NIT2: variants seen among roughly 807,000 people sequenced by gnomAD.
The protein encoded by NIT2 is omega-amidase NIT2.
A neutral mutation model predicts 42.7 loss-of-function variants in NIT2; 46 were observed. The observed-to-expected ratio is 1.08, with a 90% CI of 0.85 to 1.38. The LOEUF (loss-of-function observed/expected upper bound fraction) is 1.38. Ranked by LOEUF, NIT2 falls within the 40% of genes most tolerant of loss-of-function variation. The pLI is 0.00. For synonymous variants in NIT2, 123 were observed against 121.9 expected (o/e 1.01, Z -0.06); for missense variants, 309 against 342.5 (o/e 0.90, Z 0.77).
At chr3:100,351,374 A>G (rs1329969375) in intron 7 of NIT2, among the ~76,000 whole-genome samples, 1 of 152,222 alleles carries the variant, frequency 6.6e-6, no homozygotes, top group Non-Finnish European at 1.5e-5. Context: ...AGGCTACAGT[A>G]ATCAAAACAG....
chr3:100,341,042 T>G, intron 3 of NIT2, 31 bp from the exon 4 acceptor site: 1 of 1,464,430 alleles, frequency 6.8e-7, no homozygotes, highest in Non-Finnish European at 9.6e-7. Context: ...CTATTCTTTT[T>G]CTTATGGTAT....
rs1406375575 is a variant in NIT2, at chr3:100,355,946, T to A, written c.*678T>A. On this transcript the variant is annotated 3_prime_UTR_variant, in exon 10 of 10. Coordinates refer to ENST00000394140, the MANE Select transcript of NIT2 (RefSeq NM_020202.5). ...AAAAGATTTTTTTGATAGCGTTGAG[T>A]GTCTGAAAGTCCCATTATTTTTCTT... is the stretch of plus-strand genomic sequence containing the variant. 2 of 152,262 alleles carry A rather than the reference T, an allele frequency of 1.3e-5. No homozygotes were observed. The highest frequency in any genetic ancestry group is 2.9e-5 in the Non-Finnish European group (2 of 68,064). 9.4% of individuals were successfully genotyped at this position (152,262 alleles called of 1,614,324 possible).
chr3:100,351,190 A>G (rs1351624700), intron 7 of NIT2, among the ~76,000 whole-genome samples: 1 of 152,236 alleles, frequency 6.6e-6, no homozygotes, highest in Non-Finnish European at 1.5e-5. Context: ...TCTTTATAGC[A>G]GCATGATTTA....
intron 7 of NIT2, 76 bp from the exon 8 acceptor site, chr3:100,352,328 G>A (rs1209672001): frequency 9.2e-7 from 1 of 1,088,336 alleles, no homozygotes; most frequent in Non-Finnish European, 1.4e-6. Context: ...TTTAAAAGAA[G>A]GATCTATCTA....
chr3:100,353,034 A>G (rs892317635), intron 8 of NIT2, among the ~76,000 whole-genome samples: 1 of 152,244 alleles, frequency 6.6e-6, no homozygotes, highest in African/African-American at 2.4e-5. Context: ...AATTACAGTC[A>G]TACGCTCATA....
In NIT2 at chr3:100,354,132, C is replaced by G. The variant is rs557759949; in HGVS notation, c.684-640C>G. Reference sequence around the variant, plus strand: ...GGATTGATGAAGGAGTGTGGCTGTTCCCTAGTGCAGGGCTCCTGCCAGTGT... The same window carrying G: ...GGATTGATGAAGGAGTGTGGCTGTTGCCTAGTGCAGGGCTCCTGCCAGTGT... On this transcript the variant is annotated intron_variant, in intron 8 of 9. Coordinates refer to ENST00000394140, the MANE Select transcript of NIT2 (RefSeq NM_020202.5). Among the ~76,000 whole-genome samples, 8 of 152,300 alleles carry G rather than the reference C, an allele frequency of 5.3e-5. No homozygotes were observed. The South Asian group carries it at 1.5e-3, about 28-fold the overall frequency.
At chr3:100,342,407 A>G (rs60028471) in intron 4 of NIT2, among the ~76,000 whole-genome samples, 29,295 of 151,622 alleles carry the variant, frequency 0.19, 3,018 homozygotes, top group Non-Finnish European at 0.23. Context: ...GGATAGAGAC[A>G]TTTTACTTTT....
intron 8 of NIT2, among the ~76,000 whole-genome samples, chr3:100,353,610 G>T (rs1299581733): frequency 1.3e-5 from 2 of 152,170 alleles, no homozygotes; most frequent in East Asian, 3.8e-4. Context: ...ATAAATGGTG[G>T]TGCTTGTATT....
Position 100,351,911 on chromosome 3 carries a change from A to C in NIT2, c.585-493A>C, listed in dbSNP as rs576836224. ...TACAATGAACTCCAACAAATTTACA[A>C]GAAAAAAACAAACAACCCCATCAAA... is the stretch of plus-strand genomic sequence containing the variant. On this transcript the variant is annotated intron_variant, in intron 7 of 9. Transcript: ENST00000394140. Among the ~76,000 whole-genome samples the C allele has an allele frequency of 3.9e-5, 6 of 152,256 alleles. No homozygotes were observed. The South Asian group carries it at 1.2e-3, about 32-fold the overall frequency.
intron 4 of NIT2, among the ~76,000 whole-genome samples, chr3:100,341,446 G>A (rs1263970740): frequency 2.0e-5 from 3 of 152,132 alleles, no homozygotes; most frequent in African/African-American, 7.2e-5. Flanking sequence ...TTGGCTCACT[G>A]CTAGCTCTGC....
chr3:100,353,687 A>T (rs1262595988), intron 8 of NIT2, among the ~76,000 whole-genome samples: 1 of 152,042 alleles, frequency 6.6e-6, no homozygotes, highest in Non-Finnish European at 1.5e-5. Flanking sequence ...GTTATGTCAG[A>T]TTATTTTGGA....
In NIT2 at chr3:100,361,231, C is replaced by G. The variant is rs1418842676; in HGVS notation, c.*5963C>G. ...TCATAATTTAGGCCATGGATCATCT[C>G]TGCAGAGAATCCTACCATGCTGCAT... On this transcript the variant is annotated 3_prime_UTR_variant, in exon 10 of 10. Coordinates refer to ENST00000394140, the MANE Select transcript of NIT2 (RefSeq NM_020202.5). 2.0e-5 allele frequency: 3 copies of G among 152,230 alleles called. No individual in the cohort carries two copies. Among genetic ancestry groups the G allele is most frequent in the African/African-American group, 7.2e-5 (3 of 41,458 alleles). The allele number at this position is 152,230 out of a possible 1,614,324, so 9.4% of individuals were successfully genotyped here. A position where few individuals can be genotyped will look rare whatever the true frequency, so the allele number is the denominator to read the frequency against.
intron 7 of NIT2, among the ~76,000 whole-genome samples, chr3:100,350,569 G>T (rs571304194): frequency 3.3e-5 from 5 of 152,306 alleles, no homozygotes; most frequent in African/African-American, 1.2e-4. Flanking sequence ...GTAATTCTTT[G>T]TGTGGGGGCT....
Position 100,346,201 on chromosome 3 carries a change from G to A in NIT2, c.451G>A (p.Gly151Ser). ...AACAGCTTACTGCAGAGTGGGTCTG[G>A]GCATCTGCTACGACATGCGGTTTGC... Reference protein sequence around the residue: ...FDTPYCRVGLGICYDMRFAEL... With the variant: ...FDTPYCRVGLSICYDMRFAEL... Residue 151 changes from glycine (G) to serine (S), a missense_variant, in exon 6 of 10, where the codon GGC becomes AGC. Transcript: ENST00000394140. 1 of 1,614,028 alleles carries A rather than the reference G, an allele frequency of 6.2e-7. No homozygotes were observed. The highest frequency in any genetic ancestry group is 1.3e-5 in the African/African-American group (1 of 75,032).
At chr3:100,350,492 G>C (rs1195736866) in intron 7 of NIT2, among the ~76,000 whole-genome samples, 1 of 152,200 alleles carries the variant, frequency 6.6e-6, no homozygotes, top group Non-Finnish European at 1.5e-5. Context: ...TTTAACCAGA[G>C]AAGCTCTTCT....
At chr3:100,334,969 C>G in intron 1 of NIT2, 171 bp downstream of exon 1, 1 of 619,820 alleles carries the variant, frequency 1.6e-6, no homozygotes, top group African/African-American at 2.0e-5. Flanking sequence ...GCCGGGCGGC[C>G]GGGCGCACTC....
At chr3:100,342,190 C>T (rs775158063) in intron 4 of NIT2, among the ~76,000 whole-genome samples, 1 of 152,192 alleles carries the variant, frequency 6.6e-6, no homozygotes, top group African/African-American at 2.4e-5. Context: ...GCCACTCCAG[C>T]CTTCTTATGC....
Position 100,360,068 on chromosome 3 carries a change from T to A in NIT2, c.*4800T>A, listed in dbSNP as rs1241347828. On this transcript the variant is annotated 3_prime_UTR_variant, in exon 10 of 10. Transcript: ENST00000394140. ...GTTTTTGAGCTCCTCTATGTTCATC[T>A]TTTTATGGCTAACCCTCACCATCAT... The A allele has an allele frequency of 6.6e-6, 1 of 152,224 alleles. No homozygotes were observed. The highest frequency in any genetic ancestry group is 1.9e-4 in the East Asian group (1 of 5,206). The allele number at this position is 152,224 out of a possible 1,614,324, so 9.4% of individuals were successfully genotyped here. A position where few individuals can be genotyped will look rare whatever the true frequency, so the allele number is the denominator to read the frequency against.
At chr3:100,341,529 C>A (rs1706152653) in intron 4 of NIT2, among the ~76,000 whole-genome samples, 1 of 151,972 alleles carries the variant, frequency 6.6e-6, no homozygotes, top group Non-Finnish European at 1.5e-5. Context: ...CCACCATGCC[C>A]AGCTAATTTT....
Sources: allele counts gnomAD v4.1 joint callset (sites outside exome capture counted in the v4.1 genomes callset), GRCh38; gene constraint gnomAD v4.1.1; transcripts MANE v1.5; gene names NCBI Gene and HGNC (gene_info 2026-07-23, HGNC 2026-07-21).